The following EPHB2 variants were observed in gnomAD, a reference collection of about 807,000 sequenced individuals.
The protein encoded by EPHB2 is ephrin type-B receptor 2.
In EPHB2, 18 loss-of-function variants were observed where a neutral mutation model predicts 96.4. That is an observed-to-expected ratio of 0.19 (90% CI 0.13 to 0.28). The LOEUF (loss-of-function observed/expected upper bound fraction) is 0.28. Ranked by LOEUF, EPHB2 falls within the 10% of genes least tolerant of loss-of-function variation. The pLI is 1.00. For synonymous variants in EPHB2, 506 were observed against 534.1 expected (o/e 0.95, Z 0.72); for missense variants, 989 against 1,355.4 (o/e 0.73, Z 4.25).
intron 5 of EPHB2, 80 bp downstream of exon 5, chr1:22,865,292 C>T (rs1468530882): frequency 2.7e-6 from 4 of 1,499,292 alleles, no homozygotes; most frequent in African/African-American, 2.7e-5. Context: ...ACAAAAGACT[C>T]CTTCACATCT....
chr1:22,892,344 A>AT, intron 6 of EPHB2, among the ~76,000 whole-genome samples: 1 of 152,362 alleles, frequency 6.6e-6, no homozygotes, highest in South Asian at 2.1e-4. Flanking sequence ...ATACATGCAT[A>AT]TTAGTCAGCT....
In EPHB2 at chr1:22,900,735, A is replaced by T. The variant is rs181272400; in HGVS notation, c.1765+4257A>T. On this transcript the variant is annotated intron_variant, in intron 9 of 15. Transcript: ENST00000374630. Reference sequence around the variant, plus strand: ...AGATCAGCACATTTTAAGGCCTAAGATCCCCCTCCCTGCATCCTAAGCTCT... The same window carrying T: ...AGATCAGCACATTTTAAGGCCTAAGTTCCCCCTCCCTGCATCCTAAGCTCT... Among the ~76,000 whole-genome samples the T allele has an allele frequency of 2.7e-3, 413 of 152,244 alleles. 1 individual carries two copies. Among genetic ancestry groups the T allele is most frequent in the African/African-American group, 9.4e-3 (390 of 41,532 alleles).
intron 1 of EPHB2, among the ~76,000 whole-genome samples, chr1:22,723,673 T>C (rs1281238633): frequency 6.6e-6 from 1 of 152,272 alleles, no homozygotes; most frequent in East Asian, 1.9e-4. Flanking sequence ...TCCTAGTCTT[T>C]CCACTCACTG....
chr1:22,874,407 G>A (rs183672621), intron 5 of EPHB2, among the ~76,000 whole-genome samples: 69 of 152,280 alleles, frequency 4.5e-4, no homozygotes, highest in Admixed American at 1.6e-3. Flanking sequence ...AGGTCAAGAC[G>A]ATTCCACAAC....
chr1:22,863,321 A>G, intron 4 of EPHB2, 129 bp downstream of exon 4: 5 of 1,490,284 alleles, frequency 3.4e-6, no homozygotes, highest in Non-Finnish European at 4.6e-6. Context: ...AGAAATGGAA[A>G]AGTGCTCAAG....
intron 3 of EPHB2, among the ~76,000 whole-genome samples, chr1:22,797,189 TTGC>T (rs1644778362): frequency 6.6e-6 from 1 of 152,172 alleles, no homozygotes; most frequent in African/African-American, 2.4e-5. Flanking sequence ...TGAAGCCCCC[TTGC>T]TGCTGACTCC....
chr1:22,809,044 G>A (rs754816968), intron 3 of EPHB2, among the ~76,000 whole-genome samples: 9 of 152,256 alleles, frequency 5.9e-5, no homozygotes, highest in Non-Finnish European at 1.0e-4. Flanking sequence ...GGCCAGGCCT[G>A]GGATCCATCT....
chr1:22,788,749 TTTTG>T, intron 3 of EPHB2, among the ~76,000 whole-genome samples: 1 of 40,670 alleles, frequency 2.5e-5, no homozygotes, highest in African/African-American at 5.5e-5. Flanking sequence ...TGTCTTTTGT[TTTTG>T]TTTTTTTTTT....
chr1:22,873,553 G>A (rs1469053090), intron 5 of EPHB2, among the ~76,000 whole-genome samples: 1 of 152,198 alleles, frequency 6.6e-6, no homozygotes, highest in East Asian at 1.9e-4. Context: ...GGCAAAGGGT[G>A]TAGATACAGG....
At chr1:22,893,759 T>C (rs1207569501) in intron 7 of EPHB2, among the ~76,000 whole-genome samples, 1 of 152,208 alleles carries the variant, frequency 6.6e-6, no homozygotes, top group Non-Finnish European at 1.5e-5. Flanking sequence ...ATCACTATCA[T>C]TATCAAACTA....
intron 6 of EPHB2, among the ~76,000 whole-genome samples, chr1:22,884,470 A>C (rs771670619): frequency 5.9e-5 from 9 of 152,226 alleles, no homozygotes; most frequent in Non-Finnish European, 1.2e-4. Context: ...AAATACAAAA[A>C]TTAGCCCGGC....
At chr1:22,753,839 G>A (rs767155689) in intron 1 of EPHB2, among the ~76,000 whole-genome samples, 38 of 152,106 alleles carry the variant, frequency 2.5e-4, no homozygotes, top group East Asian at 1.4e-3. Context: ...TATATCCTCC[G>A]CCTCTCCAGC....
intron 3 of EPHB2, among the ~76,000 whole-genome samples, chr1:22,837,975 G>A (rs929980496): frequency 1.2e-4 from 19 of 152,214 alleles, no homozygotes; most frequent in Admixed American, 1.1e-3. Context: ...AGGAATAGGG[G>A]AGCTTGGCTC....
At chr1:22,726,414 C>CT (rs896855971) in intron 1 of EPHB2, among the ~76,000 whole-genome samples, 7 of 69,636 alleles carry the variant, frequency 1.0e-4, no homozygotes, top group South Asian at 1.3e-3. Context: ...GTTTCTTTTT[C>CT]TTTTTTTTTC....
intron 5 of EPHB2, among the ~76,000 whole-genome samples, chr1:22,871,192 C>T (rs1253828576): frequency 6.6e-6 from 1 of 152,146 alleles, no homozygotes; most frequent in Non-Finnish European, 1.5e-5. Context: ...TATCCCAGGC[C>T]AGGAAGTAAC....
chr1:22,730,563 G>A (rs2148350958), intron 1 of EPHB2, among the ~76,000 whole-genome samples: 1 of 152,256 alleles, frequency 6.6e-6, no homozygotes, highest in Admixed American at 6.5e-5. Context: ...AGCGAGAGGA[G>A]GGATCAGGAA....
chr1:22,722,085 C>A (rs1643479960), intron 1 of EPHB2, among the ~76,000 whole-genome samples: 1 of 152,166 alleles, frequency 6.6e-6, no homozygotes, highest in Non-Finnish European at 1.5e-5. Flanking sequence ...GTAGCTGGAA[C>A]TACAATCATG....
intron 6 of EPHB2, among the ~76,000 whole-genome samples, chr1:22,885,350 G>A (rs12046210): frequency 0.35 from 53,986 of 152,240 alleles, 12,117 homozygotes; most frequent in Non-Finnish European, 0.5. Flanking sequence ...CTACCACAGC[G>A]GGCAGGCCTG....
intron 1 of EPHB2, among the ~76,000 whole-genome samples, chr1:22,748,067 AC>A (rs1644002917): frequency 6.6e-6 from 1 of 152,206 alleles, no homozygotes; most frequent in African/African-American, 2.4e-5. Context: ...ACTTCCTGCT[AC>A]CACTTGTGCA....
Sources: allele counts gnomAD v4.1 joint callset (sites outside exome capture counted in the v4.1 genomes callset), GRCh38; gene constraint gnomAD v4.1.1; transcripts MANE v1.5; gene names NCBI Gene and HGNC (gene_info 2026-07-23, HGNC 2026-07-21).